The following CCNH variants were observed in gnomAD, a reference collection of about 807,000 sequenced individuals.
CCNH encodes cyclin H, also known as cyclin-H.
CCNH carries 31 observed loss-of-function variants against 41.9 expected under a neutral mutation model. The observed-to-expected ratio is 0.74, with a 90% CI of 0.56 to 1.00. The LOEUF (loss-of-function observed/expected upper bound fraction) is 1.00, where lower values mean the gene tolerates loss of function less well. Among genes scored for constraint, CCNH ranks in the 50% least tolerant of loss-of-function variants. CCNH has a pLI of 0.00. For missense variants in CCNH, 362 were observed against 388.4 expected (o/e 0.93, Z 0.57); for synonymous variants, 138 against 136.1 (o/e 1.01, Z -0.10).
chr5:87,378,765 T>C (rs891266995), upstream of CCNH, among the ~76,000 whole-genome samples: 3 of 152,160 alleles, frequency 2.0e-5, no homozygotes, highest in Admixed American at 1.3e-4. Flanking sequence ...CACCAGAAAT[T>C]CATGAAAATA....
chr5:87,407,359 G>C (rs1018694160), intron 4 of CCNH, among the ~76,000 whole-genome samples: 3 of 152,072 alleles, frequency 2.0e-5, no homozygotes, highest in African/African-American at 7.2e-5. Flanking sequence ...ACAAAGTTTG[G>C]CACATAGAAG....
At chr5:87,328,950 C>T (rs1039511797) in intron 9 of CCNH, among the ~76,000 whole-genome samples, 4 of 140,962 alleles carry the variant, frequency 2.8e-5, no homozygotes, top group African/African-American at 1.0e-4. Context: ...TAAATATTTA[C>T]AAGCTGATGG....
intron 7 of CCNH, among the ~76,000 whole-genome samples, chr5:87,395,638 C>T (rs1192409359): frequency 2.0e-5 from 3 of 152,096 alleles, no homozygotes; most frequent in African/African-American, 7.2e-5. Context: ...TTTAGGAGGC[C>T]GAGGCGTCAG....
intron 9 of CCNH, among the ~76,000 whole-genome samples, chr5:87,356,032 T>C (rs911249494): frequency 1.2e-4 from 19 of 152,208 alleles, no homozygotes; most frequent in African/African-American, 4.6e-4. Context: ...AGTGGTCTCT[T>C]GAGATAGAAT....
intron 9 of CCNH, chr5:87,363,571 A>T (rs562140103): frequency 6.5e-7 from 1 of 1,540,882 alleles, no homozygotes; most frequent in African/African-American, 1.4e-5. Context: ...AAACAAAGCA[A>T]ACCAATTTTG....
intron 9 of CCNH, chr5:87,338,159 A>G: frequency 6.3e-7 from 1 of 1,597,404 alleles, no homozygotes; most frequent in Middle Eastern, 1.7e-4. Context: ...CTTGTCCGTA[A>G]TCAGAGAAAG....
At chr5:87,312,650 G>A in the CCNH span, among the ~76,000 whole-genome samples, 2 of 152,204 alleles carry the variant, frequency 1.3e-5, no homozygotes, top group Non-Finnish European at 2.9e-5. Context: ...CTAAGGGAAA[G>A]ATAGTTTGCA....
chr5:87,372,449 G>A (rs755101016), downstream of CCNH, among the ~76,000 whole-genome samples: 4 of 152,040 alleles, frequency 2.6e-5, no homozygotes, highest in African/African-American at 4.8e-5. Flanking sequence ...CAGCAGAAAC[G>A]GTTCTGTTGG....
intron 9 of CCNH, among the ~76,000 whole-genome samples, chr5:87,353,938 G>A (rs1759462957): frequency 6.6e-6 from 1 of 152,088 alleles, no homozygotes; most frequent in South Asian, 2.1e-4. Flanking sequence ...AGAAAAAGGT[G>A]CTTCAAAAGA....
downstream of CCNH, chr5:87,391,024 C>G: frequency 1.2e-6 from 1 of 833,768 alleles, no homozygotes; most frequent in South Asian, 1.4e-5. Flanking sequence ...AAACAAAATC[C>G]AAGATTCTGC....
intron 7 of CCNH, among the ~76,000 whole-genome samples, chr5:87,396,593 C>T (rs938976270): frequency 2.6e-5 from 4 of 152,036 alleles, no homozygotes; most frequent in Admixed American, 6.6e-5. Flanking sequence ...GCACTCAAGC[C>T]TGGGTGACAC....
chr5:87,386,876 T>C (rs781300039), downstream of CCNH: 1 of 1,612,626 alleles, frequency 6.2e-7, no homozygotes, highest in Non-Finnish European at 8.5e-7. Flanking sequence ...ACAAACATCG[T>C]ATGATCATGT....
chr5:87,326,780 T>C (rs1757261837), intron 9 of CCNH, among the ~76,000 whole-genome samples: 1 of 152,130 alleles, frequency 6.6e-6, no homozygotes, highest in Non-Finnish European at 1.5e-5. Context: ...ATTAATAGTA[T>C]GGCACTTGCA....
upstream of CCNH, among the ~76,000 whole-genome samples, chr5:87,380,954 T>A (rs563132001): frequency 5.3e-5 from 8 of 152,158 alleles, no homozygotes; most frequent in African/African-American, 1.9e-4. Flanking sequence ...ATTGACCGAT[T>A]TAGATATTAA....
chr5:87,394,242 A>T, downstream of CCNH: 1 of 1,242,754 alleles, frequency 8.0e-7, no homozygotes. Flanking sequence ...TCACGATGGA[A>T]TAAGAATATT....
downstream of CCNH, among the ~76,000 whole-genome samples, chr5:87,373,964 G>A (rs533924737): frequency 4.0e-5 from 6 of 151,614 alleles, no homozygotes; most frequent in East Asian, 9.7e-4. Flanking sequence ...TATCTTTTAG[G>A]TGGGAAGAAT....
chr5:87,332,724 G>T, intron 9 of CCNH: 1 of 1,331,734 alleles, frequency 7.5e-7, no homozygotes, highest in Non-Finnish European at 1.0e-6. Flanking sequence ...AGTTTCTTAT[G>T]TTTATTATAA....
At chr5:87,366,657 T>A (rs553505575) in intron 9 of CCNH, among the ~76,000 whole-genome samples, 14 of 152,354 alleles carry the variant, frequency 9.2e-5, no homozygotes, top group Admixed American at 4.6e-4. Context: ...GAATTATATT[T>A]AATGATACCA....
intron 9 of CCNH, among the ~76,000 whole-genome samples, chr5:87,337,538 AGT>A (rs781119469): frequency 2.4e-4 from 37 of 152,078 alleles, no homozygotes; most frequent in Non-Finnish European, 3.7e-4. Context: ...ATGTATGTAT[AGT>A]GTGTTAATTA....
Sources: allele counts gnomAD v4.1 joint callset (sites outside exome capture counted in the v4.1 genomes callset), GRCh38; gene constraint gnomAD v4.1.1; transcripts MANE v1.5; gene names NCBI Gene and HGNC (gene_info 2026-07-23, HGNC 2026-07-21).